MTCL1: variants seen among roughly 807,000 people sequenced by gnomAD.
MTCL1 encodes microtubule crosslinking factor 1.
A neutral mutation model predicts 141.4 loss-of-function variants in MTCL1; 79 were observed. The observed-to-expected ratio is 0.56, with a 90% CI of 0.47 to 0.67. The LOEUF is 0.67. MTCL1 is among the 30% of genes least tolerant of loss of function. MTCL1 has a pLI of 0.00. For missense variants in MTCL1, 2,177 were observed against 2,113.9 expected (o/e 1.03, Z -0.59); for synonymous variants, 914 against 875.8 (o/e 1.04, Z -0.77).
chr18:8,717,412 C>T (rs73394581), exon 1 of MTCL1: 2,327 of 152,434 alleles, frequency 0.015, 57 homozygotes, highest in African/African-American at 0.053. Flanking sequence ...GGTCTTGAGG[C>T]CTGAAGAAGC....
intron 9 of MTCL1, among the ~76,000 whole-genome samples, chr18:8,797,484 G>A (rs1486613448): frequency 6.6e-6 from 1 of 152,238 alleles, no homozygotes; most frequent in Non-Finnish European, 1.5e-5. Flanking sequence ...CACACCCGGG[G>A]CTGGCGCCAC....
chr18:8,715,938 A>T (rs73394576), upstream of MTCL1, among the ~76,000 whole-genome samples: 6,807 of 152,246 alleles, frequency 0.045, 311 homozygotes, highest in African/African-American at 0.12. Flanking sequence ...GAAGAGCCCA[A>T]ACCACCCATT....
chr18:8,769,958 G>A (rs1315403131), intron 4 of MTCL1, among the ~76,000 whole-genome samples: 2 of 152,334 alleles, frequency 1.3e-5, no homozygotes, highest in African/African-American at 2.4e-5. Context: ...CAGCACCTGC[G>A]AATGTAGCAA....
intron 6 of MTCL1, among the ~76,000 whole-genome samples, 181 bp downstream of exon 5, chr18:8,785,024 T>G (rs139401842): frequency 0.011 from 1,632 of 151,696 alleles, 38 homozygotes; most frequent in African/African-American, 0.037. Context: ...TTTTTTTGTT[T>G]TTTTTTTTTT....
chr18:8,755,566 T>C (rs1444242463), intron 4 of MTCL1, among the ~76,000 whole-genome samples: 1 of 152,028 alleles, frequency 6.6e-6, no homozygotes, highest in Non-Finnish European at 1.5e-5. Flanking sequence ...CAGAAAACCT[T>C]CCTGAGGCCA....
intron 4 of MTCL1, among the ~76,000 whole-genome samples, chr18:8,727,465 GAT>G (rs992120272): frequency 6.6e-6 from 1 of 151,972 alleles, no homozygotes; most frequent in African/African-American, 2.4e-5. Context: ...GCTGTTTTTT[GAT>G]GTTTTAATAA....
At chr18:8,710,377 A>T (rs933969526) in intron 1 of MTCL1, among the ~76,000 whole-genome samples, 1 of 151,908 alleles carries the variant, frequency 6.6e-6, no homozygotes, top group Non-Finnish European at 1.5e-5. Context: ...AAACTCAAAT[A>T]CATTTGGAAG....
intron 1 of MTCL1, among the ~76,000 whole-genome samples, chr18:8,710,859 A>T (rs1433863121): frequency 8.7e-4 from 67 of 76,630 alleles, no homozygotes; most frequent in Middle Eastern, 7.8e-3. Context: ...TTTTTTTTTA[A>T]TCTGTTTTCT....
At chr18:8,759,179 A>C (rs2096417734) in intron 4 of MTCL1, among the ~76,000 whole-genome samples, 2 of 152,264 alleles carry the variant, frequency 1.3e-5, no homozygotes, top group Non-Finnish European at 2.9e-5. Flanking sequence ...GAATGCTTCT[A>C]AACTTATTGA....
chr18:8,777,762 G>A, intron 4 of MTCL1, 71 bp from the exon 4 acceptor site: 3 of 1,405,850 alleles, frequency 2.1e-6, no homozygotes, highest in South Asian at 2.3e-5. Flanking sequence ...CACCCATGGG[G>A]ACGATGTTTG....
At chr18:8,771,533 C>T (rs1199005063) in intron 4 of MTCL1, among the ~76,000 whole-genome samples, 9 of 152,154 alleles carry the variant, frequency 5.9e-5, no homozygotes, top group Admixed American at 5.2e-4. Flanking sequence ...CCTTTTATTA[C>T]CAATCTAAAT....
intron 13 of MTCL1, among the ~76,000 whole-genome samples, 164 bp from the exon 13 acceptor site, chr18:8,821,303 T>C (rs656602): frequency 0.57 from 87,126 of 152,006 alleles, 25,493 homozygotes; most frequent in African/African-American, 0.69. Flanking sequence ...GATTGTACTT[T>C]AAAGGCCTCA....
At chr18:8,795,563 C>A (rs1048933122) in intron 8 of MTCL1, among the ~76,000 whole-genome samples, 7 of 152,134 alleles carry the variant, frequency 4.6e-5, no homozygotes, top group African/African-American at 1.2e-4. Flanking sequence ...TGTGGAGATG[C>A]CAGATATTTC....
chr18:8,736,613 T>C (rs1299916017), intron 4 of MTCL1, among the ~76,000 whole-genome samples: 1 of 151,462 alleles, frequency 6.6e-6, no homozygotes, highest in Non-Finnish European at 1.5e-5. Flanking sequence ...CATCATACAT[T>C]GGGGGCCTTC....
In MTCL1 at chr18:8,795,769, G is replaced by A. The variant is rs537552296; in HGVS notation, c.2011-463G>A. On this transcript the variant is annotated intron_variant, in intron 8 of 16. Coordinates refer to ENST00000359865, the Ensembl canonical transcript of MTCL1. ...CCACCAGCTGGGGTTCTCTTCTGTC[G>A]GGGCTGTGGGGAGTCAGGGGGCTCA... is the stretch of plus-strand genomic sequence containing the variant. Among the ~76,000 whole-genome samples the A allele has an allele frequency of 6.6e-5, 10 of 152,240 alleles. No homozygotes were observed. The South Asian group carries it at 8.3e-4, about 13-fold the overall frequency.
chr18:8,741,708 G>A (rs1248948225), intron 4 of MTCL1, among the ~76,000 whole-genome samples: 3 of 152,196 alleles, frequency 2.0e-5, no homozygotes, highest in Non-Finnish European at 1.5e-5. Flanking sequence ...AATGGGTACG[G>A]TAAATGATGA....
intron 11 of MTCL1, among the ~76,000 whole-genome samples, chr18:8,807,316 A>G (rs2076334514): frequency 6.6e-6 from 1 of 152,190 alleles, no homozygotes; most frequent in South Asian, 2.1e-4. Flanking sequence ...TCTGCATTAA[A>G]CAAGCTTGTA....
intron 4 of MTCL1, among the ~76,000 whole-genome samples, chr18:8,750,855 G>C (rs2096367040): frequency 1.3e-5 from 2 of 152,158 alleles, no homozygotes; most frequent in Non-Finnish European, 2.9e-5. Flanking sequence ...TTTATTTCCG[G>C]GAGTCCCAAG....
At chr18:8,783,183 G>A (rs532488325) in intron 5 of MTCL1, among the ~76,000 whole-genome samples, 11 of 152,282 alleles carry the variant, frequency 7.2e-5, no homozygotes, top group South Asian at 2.1e-4. Context: ...GAGGGGTTGC[G>A]CATTCCCGCT....
Sources: gnomAD v4.1 joint callset for allele counts (sites outside exome capture counted in the v4.1 genomes callset) on GRCh38, gnomAD v4.1.1 for gene constraint, MANE v1.5 for transcripts, NCBI Gene and HGNC (gene_info 2026-07-23, HGNC 2026-07-21) for gene names.